KIF13A: variants seen among roughly 807,000 people sequenced by gnomAD.
The protein encoded by KIF13A is kinesin family member 13A.
In KIF13A, 79 loss-of-function variants were observed where a neutral mutation model predicts 212.2. The ratio of observed to expected loss-of-function variants is 0.37; its 90% CI spans 0.31 to 0.45. KIF13A has a LOEUF of 0.45. KIF13A is among the 20% of genes least tolerant of loss of function. The pLI is 1.00. For missense variants in KIF13A, 1,901 were observed against 2,209.0 expected, an observed-to-expected ratio of 0.86 and a Z score of 2.79; for synonymous variants, 789 against 808.6, an observed-to-expected ratio of 0.98 and a Z score of 0.41.
chr6:17,812,059 C>A (rs1281148899), intron 17 of KIF13A: 1 of 152,072 alleles, frequency 6.6e-6, no homozygotes. Context: ...AGAATTTAAG[C>A]CCCAAAGAAA....
Position 17,771,403 on chromosome 6 carries a change from T to C in KIF13A, c.4477-185A>G. 1 of 559,048 alleles carries C rather than the reference T, an allele frequency of 1.8e-6. No homozygotes were observed. Among genetic ancestry groups the C allele is most frequent in the Non-Finnish European group, 3.2e-6 (1 of 314,446 alleles). 34.6% of individuals were successfully genotyped at this position (559,048 alleles called of 1,614,324 possible). A position where few individuals can be genotyped will look rare whatever the true frequency, so the allele number is the denominator to read the frequency against. On this transcript the variant is annotated intron_variant, in intron 37 of 38. Coordinates refer to ENST00000259711, the MANE Select transcript of KIF13A (RefSeq NM_022113.6). The surrounding 1 kb of genome is among the most constrained non-coding windows in gnomAD (Gnocchi z 5.4). The stretch of plus-strand genomic sequence containing the variant: ...ATATGACAGGAATAAACAGATTCTG[T>C]GGCAAAAAGCATAATTAGTCTTATT...
chr6:17,787,963 T>C lies in KIF13A; in HGVS notation c.3262-88A>G. Reference sequence around the variant, plus strand: ...TTTTTTAAAAGATGTTTAAATCAACTAGGAAATTTTTCATTAGGAAAAGCT... The same window carrying C: ...TTTTTTAAAAGATGTTTAAATCAACCAGGAAATTTTTCATTAGGAAAAGCT... On this transcript the variant is annotated intron_variant, in intron 26 of 38. Transcript: ENST00000259711. The surrounding 1 kb of genome is among the most constrained non-coding windows in gnomAD (Gnocchi z 4.6). 1 of 794,748 alleles carries C rather than the reference T, an allele frequency of 1.3e-6. No homozygotes were observed. The highest frequency in any genetic ancestry group is 2.1e-6 in the Non-Finnish European group (1 of 466,976). 49.2% of individuals were successfully genotyped at this position (794,748 alleles called of 1,614,324 possible). A position where few individuals can be genotyped will look rare whatever the true frequency, so the allele number is the denominator to read the frequency against.
intron 28 of KIF13A, among the ~76,000 whole-genome samples, chr6:17,784,253 T>TA (rs1337257805): frequency 2.0e-5 from 3 of 151,636 alleles, no homozygotes; most frequent in African/African-American, 7.3e-5. Context: ...GATCTTGTCT[T>TA]ATAAAAAAAA....
At chr6:17,821,798 G>A (rs1455087258) in intron 16 of KIF13A, 6 of 1,535,362 alleles carry the variant, frequency 3.9e-6, no homozygotes, top group South Asian at 1.2e-5. Flanking sequence ...TTATCCCAGT[G>A]TTTGTGGAGG....
At position 17,794,999 on chromosome 6, in the gene KIF13A, A is replaced by G; in HGVS notation, c.2943-295T>C. On this transcript the variant is annotated intron_variant, in intron 23 of 38. Transcript: ENST00000259711. This position sits in a 1 kb window ranked among gnomAD's most constrained non-coding sequence, Gnocchi z 4.1. ...CACCTCAGAAAGTTTGCTCATATGC[A>G]TTCCCATTCAATCCCCACATTCCCG... The G allele has an allele frequency of 3.5e-6, 1 of 284,394 alleles. No individual in the cohort carries two copies. Among genetic ancestry groups the G allele is most frequent in the Non-Finnish European group, 6.5e-6 (1 of 152,936 alleles). 17.6% of individuals were successfully genotyped at this position (284,394 alleles called of 1,614,324 possible). A position where few individuals can be genotyped will look rare whatever the true frequency, so the allele number is the denominator to read the frequency against.
At chr6:17,879,683 A>T (rs964764765) in intron 3 of KIF13A, among the ~76,000 whole-genome samples, 19 of 152,228 alleles carry the variant, frequency 1.2e-4, no homozygotes, top group African/African-American at 4.1e-4. Context: ...TTACTAATGC[A>T]GTTTTAAAGA....
intron 19 of KIF13A, 142 bp from the exon 20 acceptor site, chr6:17,804,652 ATAAAAAC>A (rs1762774304): frequency 3.2e-6 from 3 of 925,150 alleles, no homozygotes; most frequent in Non-Finnish European, 3.1e-6. Context: ...TGTCACATAA[ATAAAAAC>A]TAAATTAGCT....
chr6:17,919,649 T>C lies in KIF13A; in HGVS notation c.147-21469A>G, dbSNP rs141851674. ...ACCTACCCTGATTTGACCTGTTCTA[T>C]TATCTAGTTTTCCAGCACACACAGC... is the stretch of plus-strand genomic sequence containing the variant. On this transcript the variant is annotated intron_variant, in intron 2 of 38. Transcript: ENST00000259711. This position sits in a 1 kb window ranked among gnomAD's most constrained non-coding sequence, Gnocchi z 4.1. 5.4e-4 allele frequency among the ~76,000 whole-genome samples: 83 copies of C among 152,314 alleles called. No individual in the cohort carries two copies. The highest frequency in any genetic ancestry group is 1.8e-3 in the African/African-American group (73 of 41,560).
At position 17,841,059 on chromosome 6, in the gene KIF13A, G is replaced by C. The variant is rs537530259; in HGVS notation, c.831-3476C>G. 4.7e-5 allele frequency among the ~76,000 whole-genome samples: 7 copies of C among 150,168 alleles called. No individual in the cohort carries two copies. In the East Asian group the frequency reaches 9.7e-4, roughly 21 times the overall value. ...TCCCATAACCTGCCTCCCGCATCCA[G>C]AAGCCCAAAACCCCTTTTCCTTTTT... On this transcript the variant is annotated intron_variant, in intron 9 of 38. Transcript: ENST00000259711.
intron 16 of KIF13A, chr6:17,821,805 G>A (rs1366072877): frequency 2.0e-6 from 3 of 1,535,206 alleles, no homozygotes; most frequent in Non-Finnish European, 2.6e-6. Flanking sequence ...AGTGTTTGTG[G>A]AGGAGCTTCG....
chr6:17,817,072 C>T lies in KIF13A; in HGVS notation c.1948G>A (p.Ala650Thr), dbSNP rs1239902675. Residue 650 changes from alanine (A) to threonine (T), a missense_variant, in exon 17 of 39, where the codon GCC (alanine) becomes ACC (threonine). By Grantham distance (58) the Ala-to-Thr change is moderately conservative. Coordinates refer to ENST00000259711, the MANE Select transcript of KIF13A (RefSeq NM_022113.6). Reference sequence around the variant, plus strand: ...TGCTGCGCTGTCTGGCTGCTGTAGGCCAGGCGGTCAGGGCCGCTACTCTGT... The same window carrying T: ...TGCTGCGCTGTCTGGCTGCTGTAGGTCAGGCGGTCAGGGCCGCTACTCTGT... ...QPQSSGPDRLAYSSQTAQQKV... is the reference protein window; with the variant it reads ...QPQSSGPDRLTYSSQTAQQKV... 4 of 1,613,482 alleles carry T rather than the reference C, an allele frequency of 2.5e-6. No homozygotes were observed. The South Asian group carries it at 3.3e-5, about 13-fold the overall frequency.
intron 2 of KIF13A, among the ~76,000 whole-genome samples, chr6:17,909,038 C>G (rs1424188355): frequency 6.6e-6 from 1 of 152,100 alleles, no homozygotes; most frequent in Non-Finnish European, 1.5e-5. Context: ...CATGAGGTGG[C>G]GTGGGTAATG....
At chr6:17,870,071 G>A (rs575713484) in intron 4 of KIF13A, among the ~76,000 whole-genome samples, 4 of 152,268 alleles carry the variant, frequency 2.6e-5, no homozygotes, top group South Asian at 2.1e-4. Context: ...TACACGTAAC[G>A]TATTTACTAG....
At chr6:17,965,929 A>G (rs1779262156) in intron 2 of KIF13A, among the ~76,000 whole-genome samples, 1 of 152,210 alleles carries the variant, frequency 6.6e-6, no homozygotes, top group Non-Finnish European at 1.5e-5. Flanking sequence ...TAATCCCAGC[A>G]CTTTGGGTGG....
rs2150564568 is a variant in KIF13A, at chr6:17,947,240, A to T, written c.146+39814T>A. Among the ~76,000 whole-genome samples the T allele has an allele frequency of 6.6e-6, 1 of 152,292 alleles. No homozygotes were observed. Among genetic ancestry groups the T allele is most frequent in the African/African-American group, 2.4e-5 (1 of 41,572 alleles). On this transcript the variant is annotated intron_variant, in intron 2 of 38. Transcript: ENST00000259711. This position sits in a 1 kb window ranked among gnomAD's most constrained non-coding sequence, Gnocchi z 4.6. ...TGGGAATAAGTGATATAAGAGACAA[A>T]AAAGTACAAGTTGGGTGGTGATACA...
chr6:17,920,243 T>C (rs1449791431), intron 2 of KIF13A, among the ~76,000 whole-genome samples: 1 of 151,940 alleles, frequency 6.6e-6, no homozygotes, highest in East Asian at 1.9e-4. Flanking sequence ...TCATGAAACA[T>C]GTCTAAAAAA....
At position 17,867,455 on chromosome 6, in the gene KIF13A, T is replaced by C. The variant is rs140762130; in HGVS notation, c.220+5922A>G. Among the ~76,000 whole-genome samples, 875 of 152,334 alleles carry C rather than the reference T, an allele frequency of 5.7e-3. 7 individuals carry two copies. The highest frequency in any genetic ancestry group is 0.02 in the African/African-American group (823 of 41,584). The stretch of plus-strand genomic sequence containing the variant: ...TTGCTCATAACTATAGGGAAAACTT[T>C]TATGGTTTAAACCCAATAGCTAACA... On this transcript the variant is annotated intron_variant, in intron 4 of 38. Transcript: ENST00000259711.
chr6:17,818,654 TG>T (rs1297247905), intron 16 of KIF13A, among the ~76,000 whole-genome samples: 3 of 152,168 alleles, frequency 2.0e-5, no homozygotes, highest in Non-Finnish European at 2.9e-5. Context: ...ATGAAAGCTT[TG>T]CAACAAGCCT....
chr6:17,929,502 G>A (rs938771873), intron 2 of KIF13A, among the ~76,000 whole-genome samples: 3 of 151,706 alleles, frequency 2.0e-5, no homozygotes, highest in Admixed American at 6.6e-5. Context: ...CCGGGTTCAC[G>A]GCATTCTCCT....
Sources: allele counts gnomAD v4.1 joint callset (sites outside exome capture counted in the v4.1 genomes callset), GRCh38; gene constraint gnomAD v4.1.1; non-coding constraint Gnocchi (gnomAD v3.1); transcripts MANE v1.5; gene names NCBI Gene and HGNC (gene_info 2026-07-23, HGNC 2026-07-21).